The following CHSY3 variants were observed in gnomAD, a reference collection of about 807,000 sequenced individuals.
CHSY3 encodes chondroitin sulfate synthase 3.
In CHSY3, 35 loss-of-function variants were observed where a neutral mutation model predicts 67.2. The ratio of observed to expected loss-of-function variants is 0.52; its 90% CI spans 0.40 to 0.69. The LOEUF is 0.69. Ranked by LOEUF, CHSY3 falls within the 30% of genes least tolerant of loss-of-function variation. CHSY3 has a pLI of 0.00. For missense variants in CHSY3, 1,069 were observed against 1,138.5 expected (o/e 0.94, Z 0.88); for synonymous variants, 474 against 434.7 (o/e 1.09, Z -1.12).
At chr5:129,972,124 G>A (rs2149614479) in intron 2 of CHSY3, among the ~76,000 whole-genome samples, 1 of 152,106 alleles carries the variant, frequency 6.6e-6, no homozygotes, top group Admixed American at 6.6e-5. Context: ...TAGGTAACTT[G>A]AACAAAAAGA....
chr5:130,012,616 A>G (rs771259342), intron 2 of CHSY3, among the ~76,000 whole-genome samples: 2 of 152,176 alleles, frequency 1.3e-5, no homozygotes, highest in African/African-American at 2.4e-5. Context: ...CCAGATGCTT[A>G]TAATCCATCC....
At chr5:130,163,932 G>A (rs1457503857) in intron 2 of CHSY3, among the ~76,000 whole-genome samples, 1 of 152,194 alleles carries the variant, frequency 6.6e-6, no homozygotes, top group Non-Finnish European at 1.5e-5. Context: ...TTTAAGGAAT[G>A]AGTAGCATTC....
intron 2 of CHSY3, among the ~76,000 whole-genome samples, chr5:129,921,069 A>T (rs899344548): frequency 6.6e-6 from 1 of 152,154 alleles, no homozygotes; most frequent in South Asian, 2.1e-4. Context: ...ATCTGCCTGC[A>T]TTGGCTTCCC....
intron 2 of CHSY3, among the ~76,000 whole-genome samples, chr5:130,035,096 A>G (rs1764828154): frequency 6.6e-6 from 1 of 152,130 alleles, no homozygotes; most frequent in Non-Finnish European, 1.5e-5. Context: ...TTTTGATCAG[A>G]TGAGTCACAA....
chr5:130,114,169 T>G (rs1767699814), intron 2 of CHSY3, among the ~76,000 whole-genome samples: 1 of 152,186 alleles, frequency 6.6e-6, no homozygotes, highest in Admixed American at 6.5e-5. Flanking sequence ...TTTTGTCATT[T>G]TAATTGTGGT....
intron 2 of CHSY3, among the ~76,000 whole-genome samples, chr5:130,049,630 T>C (rs1409282936): frequency 1.3e-5 from 2 of 152,112 alleles, no homozygotes; most frequent in Non-Finnish European, 1.5e-5. Context: ...AGTATGAAGA[T>C]AAAATTATCC....
intron 2 of CHSY3, among the ~76,000 whole-genome samples, chr5:130,057,455 G>A (rs1765572628): frequency 6.6e-6 from 1 of 151,894 alleles, no homozygotes; most frequent in South Asian, 2.1e-4. Flanking sequence ...TCTTTCCTTT[G>A]TATAGCTCAG....
chr5:130,068,138 A>G (rs1453390604), intron 2 of CHSY3, among the ~76,000 whole-genome samples: 1 of 152,070 alleles, frequency 6.6e-6, no homozygotes, highest in Non-Finnish European at 1.5e-5. Flanking sequence ...GTAATTCTTT[A>G]TTGGTTTTCC....
chr5:130,142,149 A>G (rs1768888233), intron 2 of CHSY3, among the ~76,000 whole-genome samples: 1 of 152,202 alleles, frequency 6.6e-6, no homozygotes, highest in Non-Finnish European at 1.5e-5. Context: ...ATAAGTGGAA[A>G]AGGTAATGTC....
intron 2 of CHSY3, among the ~76,000 whole-genome samples, chr5:130,055,285 A>G (rs2149673564): frequency 6.6e-6 from 1 of 152,012 alleles, no homozygotes; most frequent in African/African-American, 2.4e-5. Context: ...CTTGTAAAAA[A>G]AAAAAAAAAA....
In CHSY3 at chr5:130,185,095, T is replaced by C. The variant is rs1770375455; in HGVS notation, c.1953T>C (p.Asn651=). ...ACATGTGTCTTATCCCAAAGCAGAA[T>C]GTAAAGTTGGTCATTATCCTTTTCA... ...FENMCLIPKQ[N]VKLVIILFSR... is the part of the protein sequence containing the mutation. The change falls in exon 3 of 3, where the codon AAT becomes AAC. Residue 651 remains asparagine (N), a synonymous_variant. Transcript: ENST00000305031. 6.2e-7 allele frequency: 1 copy of C among 1,602,674 alleles called. No homozygotes were observed. Among genetic ancestry groups the C allele is most frequent in the Non-Finnish European group, 8.5e-7 (1 of 1,169,594 alleles).
intron 2 of CHSY3, among the ~76,000 whole-genome samples, chr5:130,005,514 G>T (rs1451341305): frequency 6.6e-6 from 1 of 151,892 alleles, no homozygotes; most frequent in Non-Finnish European, 1.5e-5. Context: ...TGCTAAACAT[G>T]ACTCAATACA....
At chr5:130,052,449 T>G (rs1259647258) in intron 2 of CHSY3, among the ~76,000 whole-genome samples, 1 of 152,188 alleles carries the variant, frequency 6.6e-6, no homozygotes, top group Non-Finnish European at 1.5e-5. Context: ...TTATTATCCA[T>G]AAAGATATTG....
intron 2 of CHSY3, among the ~76,000 whole-genome samples, chr5:129,998,336 T>C (rs1044337308): frequency 1.3e-5 from 2 of 152,222 alleles, no homozygotes; most frequent in Non-Finnish European, 2.9e-5. Context: ...TTAAAATTGC[T>C]GCATACTGTT....
chr5:130,034,212 T>C (rs1454025112), intron 2 of CHSY3, among the ~76,000 whole-genome samples: 1 of 152,126 alleles, frequency 6.6e-6, no homozygotes, highest in Non-Finnish European at 1.5e-5. Flanking sequence ...TTTTTCTTTT[T>C]CAAATAACAT....
intron 2 of CHSY3, among the ~76,000 whole-genome samples, chr5:130,145,014 G>C (rs1769029138): frequency 6.6e-6 from 1 of 151,984 alleles, no homozygotes; most frequent in African/African-American, 2.4e-5. Flanking sequence ...AGAGAGGGAA[G>C]GGCAGTGCTA....
At chr5:130,079,387 G>A (rs557798111) in intron 2 of CHSY3, among the ~76,000 whole-genome samples, 10 of 152,170 alleles carry the variant, frequency 6.6e-5, no homozygotes, top group African/African-American at 2.4e-4. Flanking sequence ...ATCTTATAAG[G>A]AAAGCTTTTT....
chr5:130,175,583 T>C (rs943483721), intron 2 of CHSY3, among the ~76,000 whole-genome samples: 15 of 152,198 alleles, frequency 9.9e-5, no homozygotes, highest in African/African-American at 3.6e-4. Flanking sequence ...GCTGGAGGCA[T>C]CATGCTACCT....
intron 2 of CHSY3, among the ~76,000 whole-genome samples, chr5:129,970,849 T>C (rs1225096826): frequency 2.0e-5 from 3 of 151,898 alleles, no homozygotes; most frequent in Non-Finnish European, 4.4e-5. Context: ...CCTGATGATA[T>C]GTGTGATAAC....
Sources: gnomAD v4.1 joint callset for allele counts (sites outside exome capture counted in the v4.1 genomes callset) on GRCh38, gnomAD v4.1.1 for gene constraint, MANE v1.5 for transcripts, NCBI Gene and HGNC (gene_info 2026-07-23, HGNC 2026-07-21) for gene names.